The following LARGE1 variants were observed in gnomAD, a reference collection of about 807,000 sequenced individuals.
The protein encoded by LARGE1 is LARGE xylosyl- and glucuronyltransferase 1.
LARGE1 carries 43 observed loss-of-function variants against 87.6 expected under a neutral mutation model. The observed-to-expected ratio is 0.49, with a 90% confidence interval of 0.38 to 0.63. LARGE1 has a LOEUF of 0.63. Ranked by LOEUF, LARGE1 falls within the 30% of genes least tolerant of loss-of-function variation. The probability of loss-of-function intolerance (pLI) is 0.00; values close to 1 mark genes in which losing one functional copy is unlikely to be tolerated. For missense variants in LARGE1, 802 were observed against 1,000.2 expected (o/e 0.80, Z 2.67); for synonymous variants, 434 against 394.6 (o/e 1.10, Z -1.18).
chr22:33,164,683 A>G (rs1922171143), exon 12 of LARGE1: 1 of 151,954 alleles, frequency 6.6e-6, no homozygotes. Flanking sequence ...ACACCTGGCT[A>G]ATTTTCGTAT....
intron 1 of LARGE1, among the ~76,000 whole-genome samples, chr22:33,826,266 C>A (rs974892335): frequency 6.6e-6 from 1 of 152,060 alleles, no homozygotes; most frequent in Non-Finnish European, 1.5e-5. Flanking sequence ...CATTCCTTGA[C>A]CTGTGGCTGC....
chr22:33,580,861 G>A (rs1374967774), intron 5 of LARGE1, among the ~76,000 whole-genome samples: 1 of 152,202 alleles, frequency 6.6e-6, no homozygotes, highest in Non-Finnish European at 1.5e-5. Flanking sequence ...CTTGAATTCA[G>A]CCTGGCTGAG....
chr22:33,671,282 A>C (rs572497060), intron 2 of LARGE1, among the ~76,000 whole-genome samples: 17 of 152,226 alleles, frequency 1.1e-4, no homozygotes, highest in Non-Finnish European at 2.2e-4. Flanking sequence ...TTCACCATCT[A>C]TCATGCAGAT....
At chr22:33,085,309 AT>A in the LARGE1 span, among the ~76,000 whole-genome samples, 1 of 152,190 alleles carries the variant, frequency 6.6e-6, no homozygotes, top group South Asian at 2.1e-4. Flanking sequence ...GTAGAATCAC[AT>A]GCTCAAGCTG....
chr22:33,130,182 T>C, the LARGE1 span, among the ~76,000 whole-genome samples: 51,915 of 149,886 alleles, frequency 0.35, 9,181 homozygotes, highest in South Asian at 0.46. Context: ...GGCGTGGTGG[T>C]GGGCGCCTGT....
chr22:33,215,924 C>A (rs1348765322), intron 11 of LARGE1, among the ~76,000 whole-genome samples: 1 of 152,168 alleles, frequency 6.6e-6, no homozygotes, highest in Non-Finnish European at 1.5e-5. Context: ...CCACTTCACT[C>A]CAGCCTGGGT....
intron 2 of LARGE1, among the ~76,000 whole-genome samples, chr22:33,730,119 C>G (rs188414763): frequency 1.3e-5 from 2 of 152,072 alleles, no homozygotes; most frequent in African/African-American, 4.8e-5. Flanking sequence ...CTCTGCCACC[C>G]CTGAGACAGC....
chr22:33,239,856 G>T (rs1926430989), intron 11 of LARGE1, among the ~76,000 whole-genome samples: 1 of 151,982 alleles, frequency 6.6e-6, no homozygotes, highest in African/African-American at 2.4e-5. Context: ...ACTATTATAT[G>T]CTTTGCATTT....
chr22:33,607,461 C>CAAAAAAAA lies in LARGE1; in HGVS notation c.492-2911_492-2904dup, dbSNP rs1217376084. Among the ~76,000 whole-genome samples the CAAAAAAAA allele has an allele frequency of 5.7e-4, 33 of 57,978 alleles. 2 individuals are homozygous for CAAAAAAAA. The highest frequency in any genetic ancestry group is 8.7e-4 in the Admixed American group (4 of 4,610). 38.0% of individuals were successfully genotyped at this position (57,978 alleles called of 152,430 possible). A position where few individuals can be genotyped will look rare whatever the true frequency, so the allele number is the denominator to read the frequency against. On this transcript the variant is annotated intron_variant, in intron 4 of 14. Transcript: ENST00000397394. ...GGGCAACAAGAGCAAAACTGCATCT[C>CAAAAAAAA]AAAAAAAAAAAAAAAAAAAAAAAGT...
At position 33,498,492 on chromosome 22, in the gene LARGE1, C is replaced by T. The variant is rs187241220; in HGVS notation, c.788-66227G>A. Among the ~76,000 whole-genome samples the T allele has an allele frequency of 3.9e-5, 6 of 152,230 alleles. No individual in the cohort carries two copies. In the East Asian group the frequency reaches 5.8e-4, roughly 15 times the overall value. ...GCTGCTATTGTTAAAATCACCACTG[C>T]GGCAGCCGAATGTCTTGGAACTGCA... On this transcript the variant is annotated intron_variant, in intron 6 of 14. Transcript: ENST00000397394.
chr22:33,486,199 A>C (rs1031302524), intron 6 of LARGE1, among the ~76,000 whole-genome samples: 3 of 152,152 alleles, frequency 2.0e-5, no homozygotes, highest in Non-Finnish European at 4.4e-5. Context: ...TCAGTTTCAC[A>C]CTGATAGAAA....
the LARGE1 span, among the ~76,000 whole-genome samples, chr22:33,151,802 C>T: frequency 6.6e-6 from 1 of 151,900 alleles, no homozygotes; most frequent in East Asian, 1.9e-4. Flanking sequence ...GTATATTATT[C>T]TGTTTATATA....
rs1332950893 is a variant in LARGE1, at chr22:33,273,686, C to T, written c.*741G>A. ...TAAATATCGGCCGAAGATGCTTGAC[C>T]TCCTTCCTGGGCCACTGCTGATAGA... is the stretch of plus-strand genomic sequence containing the variant. On this transcript the variant is annotated 3_prime_UTR_variant, in exon 15 of 15. Coordinates refer to ENST00000397394, the MANE Select transcript of LARGE1 (RefSeq NM_133642.5). The T allele has an allele frequency of 1.0e-5, 4 of 398,586 alleles. No individual in the cohort carries two copies. Among genetic ancestry groups the T allele is most frequent in the Admixed American group, 4.4e-5 (1 of 22,718 alleles). 24.7% of individuals were successfully genotyped at this position (398,586 alleles called of 1,614,324 possible).
chr22:33,822,540 A>T (rs1314800391), intron 1 of LARGE1, among the ~76,000 whole-genome samples: 4 of 152,214 alleles, frequency 2.6e-5, no homozygotes, highest in Non-Finnish European at 5.9e-5. Flanking sequence ...CTCTACTAAA[A>T]ATACAACCAT....
the LARGE1 span, among the ~76,000 whole-genome samples, chr22:33,068,601 C>T: frequency 6.6e-5 from 10 of 152,140 alleles, no homozygotes; most frequent in Admixed American, 2.0e-4. Flanking sequence ...GCCGAGATGG[C>T]GCCACTGCAC....
chr22:33,720,193 G>C (rs1230097756), intron 2 of LARGE1, among the ~76,000 whole-genome samples: 2 of 152,318 alleles, frequency 1.3e-5, no homozygotes, highest in East Asian at 1.9e-4. Flanking sequence ...AGTCCCATCT[G>C]GGGGTGATGG....
At chr22:33,829,952 G>C (rs981836691) in intron 1 of LARGE1, among the ~76,000 whole-genome samples, 1 of 152,146 alleles carries the variant, frequency 6.6e-6, no homozygotes, top group African/African-American at 2.4e-5. Flanking sequence ...GCCCCTGCTT[G>C]AGAGATTATA....
At chr22:33,301,029 G>C (rs1246909116) in intron 12 of LARGE1, among the ~76,000 whole-genome samples, 2 of 152,130 alleles carry the variant, frequency 1.3e-5, no homozygotes, top group African/African-American at 4.8e-5. Flanking sequence ...GATCAGTGCT[G>C]AGAAAGTCAG....
intron 5 of LARGE1, among the ~76,000 whole-genome samples, chr22:33,582,837 T>C (rs974321037): frequency 2.6e-5 from 4 of 152,206 alleles, no homozygotes; most frequent in Non-Finnish European, 4.4e-5. Flanking sequence ...GCTTGTCTTG[T>C]ACAAAAAGAA....
Sources: allele counts gnomAD v4.1 joint callset (sites outside exome capture counted in the v4.1 genomes callset), GRCh38; gene constraint gnomAD v4.1.1; transcripts MANE v1.5; gene names NCBI Gene and HGNC (gene_info 2026-07-23, HGNC 2026-07-21).